Variants in PHACTR2 observed in about 807,000 individuals in gnomAD.
The protein encoded by PHACTR2 is phosphatase and actin regulator 2.
A neutral mutation model predicts 76.0 loss-of-function variants in PHACTR2; 30 were observed. That is an observed-to-expected ratio of 0.39 (90% confidence interval 0.30 to 0.54). The LOEUF (loss-of-function observed/expected upper bound fraction) is 0.54, where lower values mean the gene tolerates loss of function less well. Among genes scored for constraint, PHACTR2 ranks in the 20% least tolerant of loss-of-function variants. The pLI, the probability that PHACTR2 is intolerant of heterozygous loss-of-function variation, is 0.61. For synonymous variants in PHACTR2, 292 were observed against 292.5 expected (o/e 1.00, Z 0.02); for missense variants, 696 against 781.1 (o/e 0.89, Z 1.30).
Position 143,816,363 on chromosome 6 carries a change from T to C in PHACTR2, c.1923-7311T>C, listed in dbSNP as rs1364113438. Among the ~76,000 whole-genome samples the C allele has an allele frequency of 6.6e-6, 1 of 152,064 alleles. No individual in the cohort carries two copies. Among genetic ancestry groups the C allele is most frequent in the Non-Finnish European group, 1.5e-5 (1 of 68,016 alleles). Reference sequence around the variant, plus strand: ...TTTTCAGTACCTCTAACCACAGCGTTTTAGAGCTGAATTTGAAGATAAGCT... The same window carrying C: ...TTTTCAGTACCTCTAACCACAGCGTCTTAGAGCTGAATTTGAAGATAAGCT... On this transcript the variant is annotated intron_variant, in intron 12 of 12. Coordinates refer to ENST00000440869, the MANE Select transcript of PHACTR2 (RefSeq NM_001100164.2). The surrounding 1 kb of genome is among the most constrained non-coding windows in gnomAD (Gnocchi z 4.5).
At position 143,743,444 on chromosome 6, in the gene PHACTR2, G is replaced by A. The variant is rs1016197569; in HGVS notation, c.215-5541G>A. Among the ~76,000 whole-genome samples, 3 of 152,096 alleles carry A rather than the reference G, an allele frequency of 2.0e-5. No homozygotes were observed. Among genetic ancestry groups the A allele is most frequent in the Non-Finnish European group, 2.9e-5 (2 of 68,014 alleles). On this transcript the variant is annotated intron_variant, in intron 2 of 12. Transcript: ENST00000440869. The surrounding 1 kb of genome is among the most constrained non-coding windows in gnomAD (Gnocchi z 5.0). ...GCTGGAGCAGATAAACAAAAAAATC[G>A]CCAGACCCCTGAGTGTTTTTAGGTG...
chr6:143,809,154 G>C lies in PHACTR2; in HGVS notation c.1922+2021G>C, dbSNP rs1235352826. On this transcript the variant is annotated intron_variant, in intron 12 of 12. Transcript: ENST00000440869. The surrounding 1 kb of genome is among the most constrained non-coding windows in gnomAD (Gnocchi z 4.2). ...GTATCTGATAGCCTTATCTTCATTT[G>C]ATAGCATGATATAAAGAACAAATTA... Among the ~76,000 whole-genome samples the C allele has an allele frequency of 2.0e-5, 3 of 152,242 alleles. No individual in the cohort carries two copies. The highest frequency in any genetic ancestry group is 1.9e-4 in the East Asian group (1 of 5,178).
intron 1 of PHACTR2, among the ~76,000 whole-genome samples, chr6:143,635,303 C>T (rs548946233): frequency 3.6e-5 from 5 of 139,212 alleles, no homozygotes; most frequent in African/African-American, 1.1e-4. Flanking sequence ...TTCATATTGA[C>T]GGAGCATTTA....
rs1562684871 is a variant in PHACTR2, at chr6:143,562,163, T to A, written c.217+24956T>A. 1 of 152,252 alleles carries A rather than the reference T, an allele frequency of 6.6e-6. No individual in the cohort carries two copies. Among genetic ancestry groups the A allele is most frequent in the Non-Finnish European group, 1.5e-5 (1 of 68,060 alleles). The allele number at this position is 152,252 out of a possible 1,614,324, so 9.4% of individuals were successfully genotyped here. ...AGTGCTCTCTGTTGTGTTGGAATAA[T>A]CTGTTTACTTGATGTATTAGGCCAT... On this transcript the variant is annotated intron_variant, in intron 1 of 11. Transcript: ENST00000367584. This position sits in a 1 kb window ranked among gnomAD's most constrained non-coding sequence, Gnocchi z 5.1.
intron 9 of PHACTR2, among the ~76,000 whole-genome samples, chr6:143,779,309 C>G (rs985834186): frequency 9.9e-5 from 15 of 150,756 alleles, no homozygotes; most frequent in Non-Finnish European, 1.6e-4. Context: ...GTATGTGATA[C>G]AGTGTGGTTT....
chr6:143,760,318 G>C lies in PHACTR2; in HGVS notation c.455-83G>C. The C allele has an allele frequency of 8.0e-7, 1 of 1,249,852 alleles. No homozygotes were observed. Among genetic ancestry groups the C allele is most frequent in the Admixed American group, 2.2e-5 (1 of 44,860 alleles). The allele number at this position is 1,249,852 out of a possible 1,614,324, so 77.4% of individuals were successfully genotyped here. On this transcript the variant is annotated intron_variant, in intron 4 of 12. Coordinates refer to ENST00000440869, the MANE Select transcript of PHACTR2 (RefSeq NM_001100164.2). The surrounding 1 kb of genome is among the most constrained non-coding windows in gnomAD (Gnocchi z 6.4). The stretch of plus-strand genomic sequence containing the variant: ...CAAGTACCAAGCAGACACGCTTTGT[G>C]TCACTATCGTCATGTCTTGCTCCTT...
At chr6:143,635,066 G>A (rs1379542848) in intron 1 of PHACTR2, among the ~76,000 whole-genome samples, 2 of 152,040 alleles carry the variant, frequency 1.3e-5, no homozygotes, top group African/African-American at 4.8e-5. Flanking sequence ...ATATTCAAAA[G>A]CATGACATTT....
At position 143,656,158 on chromosome 6, in the gene PHACTR2, C is replaced by A. The variant is rs1167507562; in HGVS notation, c.13+47836C>A. Among the ~76,000 whole-genome samples, 1 of 152,190 alleles carries A rather than the reference C, an allele frequency of 6.6e-6. No individual in the cohort carries two copies. The highest frequency in any genetic ancestry group is 2.4e-5 in the African/African-American group (1 of 41,440). ...GCAGAGGAAATAACAGGCGCAGAGA[C>A]TTCTAGCAGGGTTGTCTGGTGGGAC... is the stretch of plus-strand genomic sequence containing the variant. On this transcript the variant is annotated intron_variant, in intron 1 of 11. Transcript: ENST00000305766. This position sits in a 1 kb window ranked among gnomAD's most constrained non-coding sequence, Gnocchi z 5.3.
Position 143,826,178 on chromosome 6 carries a change from G to T in PHACTR2, c.*2489G>T, listed in dbSNP as rs1212421863. 6.6e-6 allele frequency: 1 copy of T among 152,160 alleles called. No individual in the cohort carries two copies. The highest frequency in any genetic ancestry group is 1.5e-5 in the Non-Finnish European group (1 of 68,024). The allele number at this position is 152,160 out of a possible 1,614,324, so 9.4% of individuals were successfully genotyped here. ...AAAGAATTAAAGGATTATGAGCTAA[G>T]CTGTATTTTGCAGAATATGGTTCTA... On this transcript the variant is annotated 3_prime_UTR_variant, in exon 13 of 13. Coordinates refer to ENST00000440869, the MANE Select transcript of PHACTR2 (RefSeq NM_001100164.2).
chr6:143,704,079 G>GTGTGTGTGTGTGTGTC (rs879313024), intron 1 of PHACTR2, among the ~76,000 whole-genome samples: 8,779 of 146,106 alleles, frequency 0.06, 621 homozygotes, highest in African/African-American at 0.16. Flanking sequence ...CATCATGGGT[G>GTGTGTGTGTGTGTGTC]TGTGTGTGTG....
chr6:143,575,247 C>T (rs1048126981), intron 1 of PHACTR2, among the ~76,000 whole-genome samples: 3 of 152,160 alleles, frequency 2.0e-5, no homozygotes, highest in Non-Finnish European at 4.4e-5. Context: ...GTTCATAGTT[C>T]GATGAGATAG....
At position 143,750,784 on chromosome 6, in the gene PHACTR2, T is replaced by C. The variant is rs2128470067; in HGVS notation, c.295+1719T>C. On this transcript the variant is annotated intron_variant, in intron 3 of 12. Transcript: ENST00000440869. This position sits in a 1 kb window ranked among gnomAD's most constrained non-coding sequence, Gnocchi z 4.6. ...TGATCTTTTTATTTAACTTTTCCAG[T>C]GGAAACTAAAAGTTTTAAAACATAA... 6.6e-6 allele frequency among the ~76,000 whole-genome samples: 1 copy of C among 152,324 alleles called. No homozygotes were observed. The highest frequency in any genetic ancestry group is 1.9e-4 in the East Asian group (1 of 5,192).
chr6:143,657,299 A>C (rs751078087), intron 1 of PHACTR2, among the ~76,000 whole-genome samples: 12 of 152,094 alleles, frequency 7.9e-5, no homozygotes, highest in Non-Finnish European at 8.8e-5. Flanking sequence ...GAGTTTTGTC[A>C]ATTTCATACA....
At chr6:143,568,988 C>G (rs1775402817) in intron 1 of PHACTR2, among the ~76,000 whole-genome samples, 1 of 152,246 alleles carries the variant, frequency 6.6e-6, no homozygotes, top group African/African-American at 2.4e-5. Context: ...GTTCTGCTCT[C>G]TTGGTTGCTT....
chr6:143,594,409 C>A (rs927925248), intron 1 of PHACTR2, among the ~76,000 whole-genome samples: 7 of 152,258 alleles, frequency 4.6e-5, no homozygotes, highest in African/African-American at 1.7e-4. Flanking sequence ...TGCCCAATGC[C>A]TGGCTTATGC....
chr6:143,729,440 T>C (rs1457935870), intron 2 of PHACTR2, among the ~76,000 whole-genome samples: 2 of 152,132 alleles, frequency 1.3e-5, no homozygotes, highest in African/African-American at 4.8e-5. Context: ...TTATCCTATG[T>C]TTTCTTCTAA....
At chr6:143,726,351 A>G (rs1778571058) in intron 2 of PHACTR2, among the ~76,000 whole-genome samples, 1 of 152,200 alleles carries the variant, frequency 6.6e-6, no homozygotes, top group Admixed American at 6.5e-5. Context: ...AGTGTTCAAT[A>G]TATTTACATT....
chr6:143,559,742 C>CTTTTTTTTTTTTTT (rs1554287424), intron 1 of PHACTR2, among the ~76,000 whole-genome samples: 2 of 14,194 alleles, frequency 1.4e-4, no homozygotes, highest in Non-Finnish European at 2.7e-4. Flanking sequence ...CAGAGTTTTG[C>CTTTTTTTTTTTTTT]TCTTGTTTTC....
intron 2 of PHACTR2, among the ~76,000 whole-genome samples, chr6:143,744,307 A>G (rs1779007528): frequency 6.6e-6 from 1 of 152,242 alleles, no homozygotes; most frequent in African/African-American, 2.4e-5. Context: ...GGCAGAAACA[A>G]TACCATTCTC....
Sources: gnomAD v4.1 joint callset for allele counts (sites outside exome capture counted in the v4.1 genomes callset) on GRCh38, gnomAD v4.1.1 for gene constraint, Gnocchi (gnomAD v3.1) non-coding constraint, MANE v1.5 for transcripts, NCBI Gene and HGNC (gene_info 2026-07-23, HGNC 2026-07-21) for gene names.